Variants in PLPP4 observed in about 807,000 individuals in gnomAD.
The protein encoded by PLPP4 is phospholipid phosphatase 4, also known as diacylglycerol pyrophosphate like 2.
A neutral mutation model predicts 32.2 loss-of-function variants in PLPP4; 20 were observed. The observed-to-expected ratio is 0.62, with a 90% CI of 0.44 to 0.90. The LOEUF (loss-of-function observed/expected upper bound fraction) is 0.90. Ranked by LOEUF, PLPP4 falls within the 40% of genes least tolerant of loss-of-function variation. The pLI, the probability that PLPP4 is intolerant of heterozygous loss-of-function variation, is 0.00. For synonymous variants in PLPP4, 127 were observed against 133.0 expected (o/e 0.95, Z 0.31); for missense variants, 257 against 353.1 (o/e 0.73, Z 2.18).
intron 1 of PLPP4, among the ~76,000 whole-genome samples, chr10:120,479,455 C>T (rs1403649724): frequency 2.0e-5 from 3 of 151,670 alleles, no homozygotes; most frequent in Admixed American, 6.6e-5. Context: ...TTATCACATT[C>T]CTCTGTTTTG....
intron 5 of PLPP4, among the ~76,000 whole-genome samples, chr10:120,524,248 T>C (rs542998704): frequency 6.6e-6 from 1 of 152,290 alleles, no homozygotes; most frequent in Admixed American, 6.5e-5. Context: ...AAAACACCGA[T>C]GCTGTTTTCT....
At chr10:120,539,399 G>C (rs1160140282) in intron 5 of PLPP4, among the ~76,000 whole-genome samples, 1 of 152,204 alleles carries the variant, frequency 6.6e-6, no homozygotes, top group Non-Finnish European at 1.5e-5. Flanking sequence ...AATTGAAAGG[G>C]ATAAGAGGTG....
chr10:120,529,123 T>A (rs769991525), intron 5 of PLPP4, among the ~76,000 whole-genome samples: 10 of 152,280 alleles, frequency 6.6e-5, no homozygotes, highest in African/African-American at 1.2e-4. Flanking sequence ...CACTGGGCAG[T>A]TTTGCACCCC....
At chr10:120,566,328 C>G (rs1848688559) in intron 5 of PLPP4, among the ~76,000 whole-genome samples, 1 of 152,060 alleles carries the variant, frequency 6.6e-6, no homozygotes, top group African/African-American at 2.4e-5. Context: ...AGATATTTTG[C>G]CAATTGCCTG....
At chr10:120,457,474 G>GAACCC in intron 1 of PLPP4, 113 bp downstream of exon 1, 1 of 902,248 alleles carries the variant, frequency 1.1e-6, no homozygotes, top group Non-Finnish European at 1.6e-6. Flanking sequence ...GCCTGGGTTC[G>GAACCC]AGGTCCCTTC....
chr10:120,570,059 C>T lies in PLPP4; in HGVS notation c.446-5072C>T, dbSNP rs116273783. ...TCTCATTCATAGAATGGCCTAATGACTACATCATTGTGTTGTTCTGGGGAT... is the reference window on the plus strand; with the variant it reads ...TCTCATTCATAGAATGGCCTAATGATTACATCATTGTGTTGTTCTGGGGAT... On this transcript the variant is annotated intron_variant, in intron 5 of 6. Transcript: ENST00000398250. Among the ~76,000 whole-genome samples the T allele has an allele frequency of 4.9e-3, 748 of 152,302 alleles. 10 individuals are homozygous for T. The highest frequency in any genetic ancestry group is 0.017 in the African/African-American group (704 of 41,548).
At chr10:120,484,144 T>A (rs1844337100) in intron 1 of PLPP4, among the ~76,000 whole-genome samples, 1 of 152,228 alleles carries the variant, frequency 6.6e-6, no homozygotes, top group South Asian at 2.1e-4. Context: ...ATTGTTAACA[T>A]TTTGGGGATT....
intron 1 of PLPP4, among the ~76,000 whole-genome samples, chr10:120,493,795 G>T: frequency 6.6e-6 from 1 of 152,136 alleles, no homozygotes; most frequent in East Asian, 1.9e-4. Flanking sequence ...ACTCAACACT[G>T]GGCAGATGAG....
chr10:120,518,938 G>A (rs1846043118), intron 4 of PLPP4, 42 bp downstream of exon 4: 1 of 1,542,956 alleles, frequency 6.5e-7, no homozygotes, highest in Non-Finnish European at 8.9e-7. Flanking sequence ...AGACTATCAA[G>A]GTCATCTATA....
chr10:120,545,749 G>T (rs1847584187), intron 5 of PLPP4, among the ~76,000 whole-genome samples: 1 of 152,190 alleles, frequency 6.6e-6, no homozygotes, highest in African/African-American at 2.4e-5. Flanking sequence ...TTAATATTGA[G>T]TGTCAACTTG....
At chr10:120,506,650 C>T (rs1198690578) in intron 2 of PLPP4, among the ~76,000 whole-genome samples, 1 of 152,152 alleles carries the variant, frequency 6.6e-6, no homozygotes, top group Non-Finnish European at 1.5e-5. Flanking sequence ...ATGAATGCTT[C>T]TAGAGTCATC....
chr10:120,483,446 T>A (rs1844305014), intron 1 of PLPP4, among the ~76,000 whole-genome samples: 1 of 152,136 alleles, frequency 6.6e-6, no homozygotes, highest in South Asian at 2.1e-4. Context: ...GAGGACTGAG[T>A]GAATTAATGA....
intron 5 of PLPP4, among the ~76,000 whole-genome samples, chr10:120,535,710 TTTTTA>T (rs1846985128): frequency 6.6e-6 from 1 of 152,194 alleles, no homozygotes; most frequent in African/African-American, 2.4e-5. Flanking sequence ...ATGTCCTCGT[TTTTTA>T]TTTTATCTCT....
At chr10:120,480,703 C>T (rs756924669) in intron 1 of PLPP4, among the ~76,000 whole-genome samples, 7 of 152,116 alleles carry the variant, frequency 4.6e-5, no homozygotes, top group Non-Finnish European at 1.0e-4. Context: ...GTAATTCTTC[C>T]TTCTATACTA....
At chr10:120,526,954 C>T (rs1026330276) in intron 5 of PLPP4, among the ~76,000 whole-genome samples, 3 of 152,124 alleles carry the variant, frequency 2.0e-5, no homozygotes, top group African/African-American at 7.2e-5. Flanking sequence ...AAGTCAGTAT[C>T]TACTTTGCCA....
chr10:120,530,509 T>G (rs1846653992), intron 5 of PLPP4, among the ~76,000 whole-genome samples: 2 of 152,218 alleles, frequency 1.3e-5, no homozygotes, highest in South Asian at 4.1e-4. Context: ...ATTGTTGAAA[T>G]GTATTTCACT....
chr10:120,571,020 C>G (rs1471952247), intron 5 of PLPP4, among the ~76,000 whole-genome samples: 1 of 150,034 alleles, frequency 6.7e-6, no homozygotes, highest in African/African-American at 2.4e-5. Flanking sequence ...TACTACAAGG[C>G]TTTGAAAGCG....
intron 5 of PLPP4, among the ~76,000 whole-genome samples, chr10:120,539,113 C>T (rs1847213805): frequency 6.6e-6 from 1 of 152,178 alleles, no homozygotes; most frequent in Admixed American, 6.5e-5. Flanking sequence ...CCCTGCACAC[C>T]TGTCTGATTT....
chr10:120,476,181 C>T (rs1249872501), intron 1 of PLPP4, among the ~76,000 whole-genome samples: 1 of 152,192 alleles, frequency 6.6e-6, no homozygotes, highest in African/African-American at 2.4e-5. Context: ...TGGAGGACAT[C>T]AGGGACACGT....
Sources: gnomAD v4.1 joint callset for allele counts (sites outside exome capture counted in the v4.1 genomes callset) on GRCh38, gnomAD v4.1.1 for gene constraint, MANE v1.5 for transcripts, NCBI Gene and HGNC (gene_info 2026-07-23, HGNC 2026-07-21) for gene names.